The following KL variants were observed in gnomAD, a reference collection of about 807,000 sequenced individuals.
The protein encoded by KL is klotho.
Under a neutral mutation model 84.2 loss-of-function variants are expected in KL, and 62 were observed. That is an observed-to-expected ratio of 0.74 (90% CI 0.60 to 0.91). The LOEUF (loss-of-function observed/expected upper bound fraction) is 0.91. KL is among the 40% of genes least tolerant of loss of function. The pLI, the probability that KL is intolerant of heterozygous loss-of-function variation, is 0.00. For missense variants in KL, 1,261 were observed against 1,305.7 expected (o/e 0.97, Z 0.53); for synonymous variants, 528 against 528.0 (o/e 1.00, Z 0.00).
At chr13:33,038,288 C>A (rs1185554556) in intron 1 of KL, among the ~76,000 whole-genome samples, 1 of 152,192 alleles carries the variant, frequency 6.6e-6, no homozygotes, top group Admixed American at 6.5e-5. Context: ...AGGTTGATAT[C>A]ATCATTTTCA....
Position 33,053,987 on chromosome 13 carries a change from C to T in KL, c.1040C>T (p.Ser347Phe), listed in dbSNP as rs1190992134. Reference sequence around the variant, plus strand: ...GAGAGCATGAAGAATAACCTTTCATCTATTCTGCCTGATTTTACTGAATCT... The same window carrying T: ...GAGAGCATGAAGAATAACCTTTCATTTATTCTGCCTGATTTTACTGAATCT... Reference protein sequence around the residue: ...YPESMKNNLSSILPDFTESEK... With the variant: ...YPESMKNNLSFILPDFTESEK... Residue 347 changes from serine (S) to phenylalanine (F), a missense_variant, in exon 2 of 5, where the codon TCT (serine) becomes TTT (phenylalanine). Coordinates refer to ENST00000380099, the MANE Select transcript of KL (RefSeq NM_004795.4). 2.0e-5 allele frequency: 33 copies of T among 1,613,686 alleles called. No individual in the cohort carries two copies. The highest frequency in any genetic ancestry group is 5.1e-6 in the Non-Finnish European group (6 of 1,179,810).
intron 1 of KL, among the ~76,000 whole-genome samples, chr13:33,044,086 C>T (rs1445409171): frequency 2.6e-5 from 4 of 152,126 alleles, no homozygotes; most frequent in East Asian, 1.9e-4. Flanking sequence ...TTTGTTGAAA[C>T]GTCTTTCCTG....
Position 33,065,556 on chromosome 13 carries a change from T to C in KL, c.*1370T>C, listed in dbSNP as rs1360014695. 5.4e-6 allele frequency: 1 copy of C among 183,716 alleles called. No homozygotes were observed. Among genetic ancestry groups the C allele is most frequent in the Non-Finnish European group, 1.2e-5 (1 of 86,254 alleles). The allele number at this position is 183,716 out of a possible 1,614,324, so 11.4% of individuals were successfully genotyped here. A position where few individuals can be genotyped will look rare whatever the true frequency, so the allele number is the denominator to read the frequency against. On this transcript the variant is annotated 3_prime_UTR_variant, in exon 5 of 5. Coordinates refer to ENST00000380099, the MANE Select transcript of KL (RefSeq NM_004795.4). ...GACACAGGGTCATAGTGTATAATAATATACTGTACTATATAATATATCATC... is the reference window on the plus strand; with the variant it reads ...GACACAGGGTCATAGTGTATAATAACATACTGTACTATATAATATATCATC...
Position 33,060,887 on chromosome 13 carries a change from T to C in KL, c.1808T>C (p.Leu603Pro). 6.2e-7 allele frequency: 1 copy of C among 1,614,220 alleles called. No individual in the cohort carries two copies. Among genetic ancestry groups the C allele is most frequent in the Non-Finnish European group, 8.5e-7 (1 of 1,180,032 alleles). Residue 603 changes from leucine to proline, a missense_variant, in exon 4 of 5, where the codon CTC (leucine) becomes CCC (proline). Leu to Pro is a moderately conservative substitution (Grantham distance 98, BLOSUM62 -3). Coordinates refer to ENST00000380099, the MANE Select transcript of KL (RefSeq NM_004795.4). The part of the protein sequence containing the change: ...FRFSLDWALI[L>P]PLGNQSQVNH... ...TTCTCCCTGGACTGGGCCCTGATTC[T>C]CCCTCTGGGTAACCAGTCCCAGGTG...
intron 3 of KL, among the ~76,000 whole-genome samples, chr13:33,056,384 A>T (rs1053533824): frequency 5.9e-5 from 9 of 152,182 alleles, no homozygotes; most frequent in African/African-American, 2.2e-4. Context: ...TCCAATTGAA[A>T]TCTTTTATTT....
intron 4 of KL, among the ~76,000 whole-genome samples, chr13:33,063,299 C>T (rs908132469): frequency 2.6e-5 from 4 of 151,264 alleles, no homozygotes; most frequent in African/African-American, 9.7e-5. Context: ...TGACCAAAAG[C>T]AAGCAGGACA....
In KL at chr13:33,016,582, C is replaced by A; in HGVS notation, c.142C>A (p.Pro48Thr). ...GAQTWARFSR[P>T]PAPEAAGLFQ... ...GCAGACCTGGGCCCGTTTCTCGCGG[C>A]CTCCTGCCCCCGAGGCCGCGGGCCT... The change falls in exon 1 of 5, where the codon CCT becomes ACT. Residue 48 changes from proline to threonine, a missense_variant. Physicochemically the swap from Pro to Thr is conservative, Grantham distance 38. Coordinates refer to ENST00000380099, the MANE Select transcript of KL (RefSeq NM_004795.4). 1 of 1,485,146 alleles carries A rather than the reference C, an allele frequency of 6.7e-7. No individual in the cohort carries two copies. The highest frequency in any genetic ancestry group is 1.3e-5 in the South Asian group (1 of 74,096). 92.0% of individuals were successfully genotyped at this position (1,485,146 alleles called of 1,614,324 possible). A position where few individuals can be genotyped will look rare whatever the true frequency, so the allele number is the denominator to read the frequency against.
At chr13:33,036,474 GC>G (rs999236212) in intron 1 of KL, among the ~76,000 whole-genome samples, 6 of 151,552 alleles carry the variant, frequency 4.0e-5, no homozygotes, top group Non-Finnish European at 8.8e-5. Flanking sequence ...GGTCAGTTTG[GC>G]TTTTATCATC....
rs1872160531 is a variant in KL, at chr13:33,060,975, C to T, written c.1896C>T (p.Thr632=). 1.9e-6 allele frequency: 3 copies of T among 1,612,570 alleles called. No homozygotes were observed. The highest frequency in any genetic ancestry group is 2.2e-5 in the East Asian group (1 of 44,858). The part of the protein sequence containing the change: ...MASELVRVNI[T]PVVALWQPMA... ...GCGAGCTTGTCCGTGTCAACATCAC[C>T]CCAGTGGTGGCCCTGTGGCAGCCTA... The change falls in exon 4 of 5, where the codon ACC becomes ACT. Residue 632 remains threonine (T), a synonymous_variant. Coordinates refer to ENST00000380099, the MANE Select transcript of KL (RefSeq NM_004795.4).
intron 1 of KL, among the ~76,000 whole-genome samples, chr13:33,050,248 A>T (rs684868): frequency 0.67 from 101,224 of 152,118 alleles, 34,163 homozygotes; most frequent in Admixed American, 0.76. Flanking sequence ...TTAAATCCCA[A>T]TCTTAAGACA....
intron 1 of KL, among the ~76,000 whole-genome samples, chr13:33,032,883 A>T (rs966214902): frequency 6.6e-6 from 1 of 152,166 alleles, no homozygotes; most frequent in Non-Finnish European, 1.5e-5. Flanking sequence ...TACCTCCTAC[A>T]GGAAGACTTC....
chr13:33,061,898 T>C, intron 4 of KL, 118 bp downstream of exon 4: 3 of 1,063,720 alleles, frequency 2.8e-6, no homozygotes, highest in Non-Finnish European at 4.3e-6. Flanking sequence ...GCTATCCATT[T>C]TGTGCCTCAC....
intron 3 of KL, among the ~76,000 whole-genome samples, chr13:33,059,300 T>A (rs1473653382): frequency 2.0e-5 from 3 of 152,232 alleles, no homozygotes; most frequent in Admixed American, 1.3e-4. Flanking sequence ...ATACTTTTTT[T>A]AAATTTTTAT....
At chr13:33,048,076 T>C (rs1446359883) in intron 1 of KL, among the ~76,000 whole-genome samples, 3 of 152,202 alleles carry the variant, frequency 2.0e-5, no homozygotes, top group African/African-American at 7.2e-5. Flanking sequence ...TAAAGTCCTC[T>C]GCTAATCCCA....
intron 1 of KL, among the ~76,000 whole-genome samples, chr13:33,040,291 A>G (rs965468618): frequency 6.6e-6 from 1 of 152,244 alleles, no homozygotes; most frequent in Non-Finnish European, 1.5e-5. Flanking sequence ...GCTAGTTGGC[A>G]TGCTTATGTA....
chr13:33,017,246 A>C lies in KL; in HGVS notation c.806A>C (p.His269Pro). ...CCGCGGCTCGGGTACCTGGTGGCGC[A>C]CAACCTCCTCCTGGTGAGTGCGAGG... ...GSPRLGYLVA[H>P]NLLLAHAKVW... Residue 269 changes from histidine (H) to proline (P), a missense_variant, in exon 1 of 5, where the codon CAC becomes CCC. By Grantham distance (77) the His-to-Pro change is moderately conservative. Coordinates refer to ENST00000380099, the MANE Select transcript of KL (RefSeq NM_004795.4). 1 of 1,578,056 alleles carries C rather than the reference A, an allele frequency of 6.3e-7. No homozygotes were observed. The highest frequency in any genetic ancestry group is 8.6e-7 in the Non-Finnish European group (1 of 1,168,994).
chr13:33,055,690 C>A (rs1208065859), intron 3 of KL, among the ~76,000 whole-genome samples: 1 of 152,198 alleles, frequency 6.6e-6, no homozygotes, highest in Non-Finnish European at 1.5e-5. Context: ...TTCAGTGGTG[C>A]TGCTGAGACT....
intron 1 of KL, among the ~76,000 whole-genome samples, chr13:33,026,080 C>T (rs1197732919): frequency 1.3e-5 from 2 of 152,126 alleles, no homozygotes; most frequent in South Asian, 4.1e-4. Flanking sequence ...TAAAAGGCAG[C>T]CCATGTTATG....
chr13:33,058,526 GAGACCGGGTTTCACTGTGTT>G (rs1872053621), intron 3 of KL, among the ~76,000 whole-genome samples: 1 of 151,980 alleles, frequency 6.6e-6, no homozygotes. Context: ...ATTTTTAGTA[GAGACCGGGTTTCACTGTGTT>G]AGCCAGGATG....
Sources: gnomAD v4.1 joint callset for allele counts (sites outside exome capture counted in the v4.1 genomes callset) on GRCh38, gnomAD v4.1.1 for gene constraint, MANE v1.5 for transcripts, NCBI Gene and HGNC (gene_info 2026-07-23, HGNC 2026-07-21) for gene names.